The following GSK3B variants were observed in gnomAD, a reference collection of about 807,000 sequenced individuals.
GSK3B encodes the protein glycogen synthase kinase-3 beta.
GSK3B carries 15 observed loss-of-function variants against 56.4 expected under a neutral mutation model. The observed-to-expected ratio is 0.27, with a 90% CI of 0.18 to 0.41. The LOEUF is 0.41. GSK3B is among the 10% of genes least tolerant of loss of function. GSK3B has a pLI of 1.00. For missense variants in GSK3B, 300 were observed against 513.4 expected (o/e 0.58, Z 4.02); for synonymous variants, 181 against 188.9 (o/e 0.96, Z 0.34).
chr3:119,942,154 C>T (rs939098932), intron 3 of GSK3B, among the ~76,000 whole-genome samples: 5 of 151,990 alleles, frequency 3.3e-5, no homozygotes, highest in African/African-American at 7.2e-5. Flanking sequence ...AGAGGTTTTT[C>T]GCTTTATTAT....
At chr3:120,079,322 ACAC>A in intron 1 of GSK3B, among the ~76,000 whole-genome samples, 1 of 138,460 alleles carries the variant, frequency 7.2e-6, no homozygotes, top group South Asian at 2.3e-4. Context: ...ACACACACAC[ACAC>A]ACACACACAC....
rs538031589 is a variant in GSK3B, at chr3:120,093,874, C to T, written c.-440G>A. On this transcript the variant is annotated 5_prime_UTR_variant, in exon 1 of 11. Transcript: ENST00000264235. ...CGGCGGAAGGATCACGAGTCTCACGCTTGAAGAGAAAGGGGGATGGGTAGG... is the reference window on the plus strand; with the variant it reads ...CGGCGGAAGGATCACGAGTCTCACGTTTGAAGAGAAAGGGGGATGGGTAGG... The T allele has an allele frequency of 9.9e-5, 18 of 181,174 alleles. No homozygotes were observed. The East Asian group carries it at 1.5e-3, about 15-fold the overall frequency. The allele number at this position is 181,174 out of a possible 1,614,324, so 11.2% of individuals were successfully genotyped here.
intron 2 of GSK3B, among the ~76,000 whole-genome samples, chr3:120,000,657 G>A (rs182744758): frequency 6.6e-6 from 1 of 152,126 alleles, no homozygotes. Flanking sequence ...TACACCCGGT[G>A]TCTTCTGACT....
intron 9 of GSK3B, among the ~76,000 whole-genome samples, chr3:119,856,032 T>G (rs2056018771): frequency 6.6e-6 from 1 of 152,256 alleles, no homozygotes; most frequent in South Asian, 2.1e-4. Context: ...TCTATGTTTA[T>G]TTATATCATG....
intron 1 of GSK3B, among the ~76,000 whole-genome samples, chr3:120,074,537 C>T (rs1461378749): frequency 6.6e-6 from 1 of 151,558 alleles, no homozygotes; most frequent in Admixed American, 6.6e-5. Context: ...AGGCTGGTCT[C>T]GAACTCCTGA....
intron 2 of GSK3B, among the ~76,000 whole-genome samples, chr3:119,994,171 C>G (rs551744372): frequency 9.2e-5 from 14 of 152,112 alleles, no homozygotes; most frequent in African/African-American, 3.4e-4. Flanking sequence ...CTGAAGCAAT[C>G]TGAGTATCAA....
At chr3:119,930,926 T>G (rs1013831649) in intron 3 of GSK3B, among the ~76,000 whole-genome samples, 1 of 152,240 alleles carries the variant, frequency 6.6e-6, no homozygotes, top group Non-Finnish European at 1.5e-5. Context: ...GGAAGGCTAA[T>G]GAAAGCATGT....
At chr3:120,012,336 C>A (rs539358125) in intron 1 of GSK3B, among the ~76,000 whole-genome samples, 1 of 152,290 alleles carries the variant, frequency 6.6e-6, no homozygotes, top group Admixed American at 6.5e-5. Context: ...CAAAAAATAA[C>A]CACTTTGCCC....
intron 2 of GSK3B, among the ~76,000 whole-genome samples, chr3:119,988,704 T>C (rs915158018): frequency 1.3e-5 from 2 of 152,178 alleles, no homozygotes; most frequent in Admixed American, 6.6e-5. Flanking sequence ...CACCAACTCA[T>C]AGATATTTGA....
In GSK3B at chr3:119,822,220, G is replaced by C. The variant is rs2055419901; in HGVS notation, c.*4568C>G. 2 of 178,814 alleles carry C rather than the reference G, an allele frequency of 1.1e-5. No individual in the cohort carries two copies. The highest frequency in any genetic ancestry group is 2.3e-5 in the Non-Finnish European group (2 of 85,296). 11.1% of individuals were successfully genotyped at this position (178,814 alleles called of 1,614,324 possible). ...CAGATTTGCACAAGTGTTTGCAATA[G>C]TTTGTATACAACCCACAGTCCTTTA... On this transcript the variant is annotated 3_prime_UTR_variant, in exon 11 of 11. Transcript: ENST00000264235.
intron 9 of GSK3B, among the ~76,000 whole-genome samples, chr3:119,854,500 G>C (rs1484629222): frequency 6.6e-6 from 1 of 152,190 alleles, no homozygotes; most frequent in Non-Finnish European, 1.5e-5. Flanking sequence ...AATGGTACCA[G>C]CTCCTCTGTG....
In GSK3B at chr3:120,082,413, T is replaced by C. The variant is rs1268648836; in HGVS notation, c.88+10934A>G. Among the ~76,000 whole-genome samples, 3 of 136,884 alleles carry C rather than the reference T, an allele frequency of 2.2e-5. No individual in the cohort carries two copies. The East Asian group carries it at 6.0e-4, about 27-fold the overall frequency. The allele number at this position is 136,884 out of a possible 152,430, so 89.8% of individuals were successfully genotyped here. On this transcript the variant is annotated intron_variant, in intron 1 of 10. Coordinates refer to ENST00000264235, the MANE Select transcript of GSK3B (RefSeq NM_001146156.2). ...TTTTTTTTTTTTTTTTTTTTTTTTTTTGAGAAAGAGTCTTGCTGTGTCACC... is the reference window on the plus strand; with the variant it reads ...TTTTTTTTTTTTTTTTTTTTTTTTTCTGAGAAAGAGTCTTGCTGTGTCACC...
chr3:119,961,674 A>AC (rs905813569), intron 2 of GSK3B, among the ~76,000 whole-genome samples: 1 of 150,448 alleles, frequency 6.6e-6, no homozygotes, highest in Admixed American at 6.6e-5. Context: ...GACAAAATTC[A>AC]CCCCCCTTTC....
intron 2 of GSK3B, among the ~76,000 whole-genome samples, chr3:119,962,449 C>A (rs530845668): frequency 1.3e-5 from 2 of 149,092 alleles, no homozygotes; most frequent in Admixed American, 1.3e-4. Flanking sequence ...CAGTGAAAAA[C>A]AGAAAACTTT....
chr3:120,028,214 A>C (rs1416259583), intron 1 of GSK3B, among the ~76,000 whole-genome samples: 1 of 152,230 alleles, frequency 6.6e-6, no homozygotes, highest in Non-Finnish European at 1.5e-5. Context: ...ATGTTTATCT[A>C]GTCTTAACTT....
intron 8 of GSK3B, among the ~76,000 whole-genome samples, chr3:119,872,983 CT>C (rs2056267247): frequency 6.6e-6 from 1 of 152,076 alleles, no homozygotes; most frequent in Non-Finnish European, 1.5e-5. Context: ...GCATCACTTC[CT>C]TTTCTTTCCA....
intron 8 of GSK3B, among the ~76,000 whole-genome samples, chr3:119,864,626 A>G (rs1425201193): frequency 2.0e-5 from 3 of 152,210 alleles, no homozygotes; most frequent in Admixed American, 1.3e-4. Context: ...CAAGTGAGAA[A>G]AGCCCACGCA....
At chr3:120,026,568 CTTTT>C (rs1221060200) in intron 1 of GSK3B, among the ~76,000 whole-genome samples, 20 of 144,212 alleles carry the variant, frequency 1.4e-4, no homozygotes, top group Non-Finnish European at 2.8e-4. Context: ...CACACACACT[CTTTT>C]TTTTTTTCTT....
At chr3:119,855,732 G>A (rs916311949) in intron 9 of GSK3B, among the ~76,000 whole-genome samples, 1 of 150,846 alleles carries the variant, frequency 6.6e-6, no homozygotes, top group African/African-American at 2.4e-5. Context: ...CGCAAGGACA[G>A]AAAACCAAAC....
Sources: allele counts gnomAD v4.1 joint callset (sites outside exome capture counted in the v4.1 genomes callset), GRCh38; gene constraint gnomAD v4.1.1; transcripts MANE v1.5; gene names NCBI Gene and HGNC (gene_info 2026-07-23, HGNC 2026-07-21).